The following INPP5D variants were observed in gnomAD, a reference collection of about 807,000 sequenced individuals.
INPP5D encodes the protein inositol polyphosphate-5-phosphatase D.
A neutral mutation model predicts 122.9 loss-of-function variants in INPP5D; 33 were observed. The observed-to-expected ratio is 0.27, with a 90% CI of 0.20 to 0.36. The LOEUF (loss-of-function observed/expected upper bound fraction) is 0.36, where lower values mean the gene tolerates loss of function less well. Among genes scored for constraint, INPP5D ranks in the 10% least tolerant of loss-of-function variants. The pLI is 1.00. For missense variants in INPP5D, 1,053 were observed against 1,412.7 expected (o/e 0.75, Z 4.08); for synonymous variants, 584 against 576.2 (o/e 1.01, Z -0.19).
Position 233,164,379 on chromosome 2 carries a change from C to T in INPP5D, c.1510C>T (p.His504Tyr). The T allele has an allele frequency of 6.4e-7, 1 of 1,553,054 alleles. No homozygotes were observed. Residue 504 changes from histidine to tyrosine, a missense_variant, in exon 13 of 27, where the codon CAC becomes TAC. Transcript: ENST00000445964. The surrounding 1 kb of genome is among the most constrained non-coding windows in gnomAD (Gnocchi z 4.3). ...AKPEHENRIS[H>Y]ICTDNVKTGI... is the part of the protein sequence containing the mutation. ...GCCTGAGCACGAGAACCGGATCAGC[C>T]ACATCTGTACTGACAACGTGAAGAC... is the stretch of plus-strand genomic sequence containing the variant.
intron 2 of INPP5D, among the ~76,000 whole-genome samples, chr2:233,089,145 G>T (rs1195870319): frequency 2.0e-5 from 3 of 152,106 alleles, no homozygotes; most frequent in African/African-American, 7.2e-5. Context: ...GATGCCTGGG[G>T]TCCCAACCAG....
chr2:233,076,253 C>T (rs1392324266), intron 1 of INPP5D: 1 of 152,224 alleles, frequency 6.6e-6, no homozygotes, highest in East Asian at 1.9e-4. Context: ...AAGAGCACAG[C>T]AGAGTTGAGC....
intron 2 of INPP5D, among the ~76,000 whole-genome samples, chr2:233,097,805 G>A (rs6437089): frequency 0.7 from 107,158 of 152,054 alleles, 37,983 homozygotes; most frequent in Middle Eastern, 0.8. Context: ...AGGGACAGGG[G>A]AGTTGTTCTG....
intron 2 of INPP5D, among the ~76,000 whole-genome samples, chr2:233,119,410 T>A (rs901518325): frequency 6.6e-6 from 1 of 152,234 alleles, no homozygotes; most frequent in South Asian, 2.1e-4. Context: ...ATTATTTTTG[T>A]TATTCTGCTC....
chr2:233,089,344 A>G (rs1001637450), intron 2 of INPP5D, among the ~76,000 whole-genome samples: 1 of 152,212 alleles, frequency 6.6e-6, no homozygotes, highest in African/African-American at 2.4e-5. Flanking sequence ...TATGATCACT[A>G]TTCCCATTTT....
intron 2 of INPP5D, among the ~76,000 whole-genome samples, chr2:233,103,914 C>A (rs1198672264): frequency 6.6e-6 from 1 of 150,672 alleles, no homozygotes; most frequent in East Asian, 1.9e-4. Flanking sequence ...ACCATGTTGG[C>A]CAGGCTGGTC....
intron 13 of INPP5D, among the ~76,000 whole-genome samples, chr2:233,166,709 T>C (rs1004699245): frequency 1.3e-4 from 20 of 152,114 alleles, no homozygotes; most frequent in Non-Finnish European, 2.4e-4. Flanking sequence ...TGCTGGTCGG[T>C]GTGGTAGGCT....
intron 2 of INPP5D, among the ~76,000 whole-genome samples, chr2:233,093,300 T>C (rs567132038): frequency 1.0e-3 from 157 of 152,342 alleles, no homozygotes; most frequent in African/African-American, 3.6e-3. Context: ...GCCTTCCTTC[T>C]TGGGAAACTA....
chr2:233,183,949 G>C lies in INPP5D; in HGVS notation c.2162-459G>C, dbSNP rs1694844434. Among the ~76,000 whole-genome samples, 1 of 152,220 alleles carries C rather than the reference G, an allele frequency of 6.6e-6. No individual in the cohort carries two copies. Among genetic ancestry groups the C allele is most frequent in the South Asian group, 2.1e-4 (1 of 4,834 alleles). On this transcript the variant is annotated intron_variant, in intron 19 of 26. Coordinates refer to ENST00000445964, the MANE Select transcript of INPP5D (RefSeq NM_001017915.3). The surrounding 1 kb of genome is among the most constrained non-coding windows in gnomAD (Gnocchi z 4.6). ...AGGCAAGTTAACTCTGTACAAATGAGCTTATGGAGTCCAGAGGAAGGAGTG... is the reference window on the plus strand; with the variant it reads ...AGGCAAGTTAACTCTGTACAAATGACCTTATGGAGTCCAGAGGAAGGAGTG...
chr2:233,187,619 CCA>C (rs1694955461), intron 21 of INPP5D, among the ~76,000 whole-genome samples: 1 of 152,206 alleles, frequency 6.6e-6, no homozygotes, highest in Non-Finnish European at 1.5e-5. Context: ...TGCCTGAACT[CCA>C]GATTCCCCCA....
At chr2:233,073,640 C>CAAAAAAAAA (rs752382722) in intron 1 of INPP5D, among the ~76,000 whole-genome samples, 1 of 44,202 alleles carries the variant, frequency 2.3e-5, no homozygotes, top group South Asian at 8.3e-4. Context: ...AACTCAATCT[C>CAAAAAAAAA]AAAAAAAAAA....
chr2:233,130,590 T>C lies in INPP5D; in HGVS notation c.607T>C (p.Ser203Pro). 1 of 1,613,910 alleles carries C rather than the reference T, an allele frequency of 6.2e-7. No individual in the cohort carries two copies. The highest frequency in any genetic ancestry group is 1.3e-5 in the African/African-American group (1 of 75,038). The change falls in exon 5 of 27, where the codon TCC (serine) becomes CCC (proline). Residue 203 changes from serine (S) to proline (P), a missense_variant. Transcript: ENST00000445964. ...AQDSEFVKTG[S>P]SSLPHLKKLT... The stretch of plus-strand genomic sequence containing the variant: ...GGACTCTGAATTTGTGAAGACAGGG[T>C]CCAGCAGTCTTCCTCACCTGAAGAA...
At chr2:233,153,663 A>G (rs1693979423) in intron 9 of INPP5D, among the ~76,000 whole-genome samples, 1 of 152,214 alleles carries the variant, frequency 6.6e-6, no homozygotes. Flanking sequence ...ATGGAAGTCT[A>G]TTTAAAGACA....
chr2:233,125,963 G>A, intron 4 of INPP5D, 44 bp downstream of exon 4: 2 of 1,587,532 alleles, frequency 1.3e-6, no homozygotes, highest in Non-Finnish European at 1.7e-6. Flanking sequence ...TCTGCAGTGA[G>A]CCCAGCCAGG....
chr2:233,158,012 A>T (rs993514526), intron 9 of INPP5D, among the ~76,000 whole-genome samples: 1 of 152,130 alleles, frequency 6.6e-6, no homozygotes, highest in African/African-American at 2.4e-5. Context: ...AAGAGGAGGA[A>T]GAAGAGGAGA....
At chr2:233,112,877 C>T (rs181439011) in intron 2 of INPP5D, among the ~76,000 whole-genome samples, 5 of 152,140 alleles carry the variant, frequency 3.3e-5, no homozygotes, top group East Asian at 1.9e-4. Context: ...AGGCTGGTCT[C>T]GAACTTGGGA....
intron 5 of INPP5D, among the ~76,000 whole-genome samples, chr2:233,133,447 G>A (rs1278075079): frequency 6.6e-6 from 1 of 152,200 alleles, no homozygotes. Context: ...GGAAGTCTGT[G>A]TGGCAAGTGA....
rs987637751 is a variant in INPP5D, at chr2:233,177,483, G to A, written c.2071+137G>A. On this transcript the variant is annotated intron_variant, in intron 18 of 26. Transcript: ENST00000445964. This position sits in a 1 kb window ranked among gnomAD's most constrained non-coding sequence, Gnocchi z 4.2. ...GAATTCACTGTAACCCTAATCAGGC[G>A]ACCTGGAAATGTTGATGCTTCCCTG... 2.5e-5 allele frequency: 36 copies of A among 1,422,498 alleles called. No homozygotes were observed. In the East Asian group the frequency reaches 4.3e-4, roughly 17 times the overall value. The allele number at this position is 1,422,498 out of a possible 1,614,324, so 88.1% of individuals were successfully genotyped here.
intron 3 of INPP5D, 74 bp from the exon 4 acceptor site, chr2:233,125,671 C>A: frequency 1.4e-6 from 2 of 1,379,838 alleles, no homozygotes; most frequent in Non-Finnish European, 2.0e-6. Flanking sequence ...TGGCCTGGAC[C>A]CCATGGGGCT....
Sources: allele counts gnomAD v4.1 joint callset (sites outside exome capture counted in the v4.1 genomes callset), GRCh38; gene constraint gnomAD v4.1.1; non-coding constraint Gnocchi (gnomAD v3.1); transcripts MANE v1.5; gene names NCBI Gene and HGNC (gene_info 2026-07-23, HGNC 2026-07-21).